Variants in CEACAM6 observed in about 807,000 individuals in gnomAD.
CEACAM6 encodes cell adhesion molecule CEACAM6.
In CEACAM6, 21 loss-of-function variants were observed where a neutral mutation model predicts 32.4. That is an observed-to-expected ratio of 0.65 (90% CI 0.46 to 0.93). The LOEUF (loss-of-function observed/expected upper bound fraction) is 0.93, where lower values mean the gene tolerates loss of function less well. CEACAM6 is among the 40% of genes least tolerant of loss of function. The pLI is 0.00. For synonymous variants in CEACAM6, 184 were observed against 174.4 expected (o/e 1.06, Z -0.43); for missense variants, 406 against 432.2 (o/e 0.94, Z 0.54).
Position 41,761,323 on chromosome 19 carries a change from T to C in CEACAM6, c.499T>C (p.Cys167Arg). 6.2e-7 allele frequency: 1 copy of C among 1,614,210 alleles called. No individual in the cohort carries two copies. Among genetic ancestry groups the C allele is most frequent in the Non-Finnish European group, 8.5e-7 (1 of 1,180,036 alleles). Residue 167 changes from cysteine to arginine, a missense_variant, in exon 3 of 6, where the codon TGT becomes CGT. Transcript: ENST00000199764. ...GGACAAGGATGCTGTGGCCTTCACC[T>C]GTGAACCTGAGGTTCAGAACACAAC... ...VEDKDAVAFT[C>R]EPEVQNTTYL...
At chr19:41,757,192 G>T (rs189981538) in intron 2 of CEACAM6, among the ~76,000 whole-genome samples, 1 of 152,056 alleles carries the variant, frequency 6.6e-6, no homozygotes, top group African/African-American at 2.4e-5. Context: ...CTGATGGGGG[G>T]ACTCAGCAGG....
chr19:41,768,391 T>G (rs1157595754), intron 5 of CEACAM6, among the ~76,000 whole-genome samples: 2 of 152,228 alleles, frequency 1.3e-5, no homozygotes, highest in Non-Finnish European at 2.9e-5. Flanking sequence ...ACACAGCACA[T>G]GTTTCAGAGA....
intron 1 of CEACAM6, 61 bp from the exon 2 acceptor site, chr19:41,756,539 C>T (rs1050453057): frequency 1.9e-6 from 3 of 1,564,924 alleles, no homozygotes; most frequent in Non-Finnish European, 1.7e-6. Context: ...ACCCAGGGCC[C>T]TGTTTTTCCA....
In CEACAM6 at chr19:41,756,758, G is replaced by A. The variant is rs199857146; in HGVS notation, c.223G>A (p.Gly75Ser). Residue 75 changes from glycine (G) to serine (S), a missense_variant, in exon 2 of 6, where the codon GGC becomes AGC. Gly to Ser is a moderately conservative substitution (Grantham distance 56). Coordinates refer to ENST00000199764, the MANE Select transcript of CEACAM6 (RefSeq NM_002483.7). ...CTGGTACAAAGGCGAAAGAGTGGAT[G>A]GCAACAGTCTAATTGTAGGATATGT... ...YSWYKGERVD[G>S]NSLIVGYVIG... The A allele has an allele frequency of 5.4e-4, 867 of 1,614,042 alleles. 18 individuals carry two copies. The South Asian group carries it at 9.0e-3, about 17-fold the overall frequency.
chr19:41,756,502 G>GGC, intron 1 of CEACAM6, 98 bp from the exon 2 acceptor site: 1 of 1,474,202 alleles, frequency 6.8e-7, no homozygotes, highest in Non-Finnish European at 9.1e-7. Context: ...ACGCTCCAAC[G>GGC]TGGAGGGGTG....
At position 41,771,700 on chromosome 19, in the gene CEACAM6, G is replaced by C. The variant is rs537401614; in HGVS notation, c.*939G>C. Reference sequence around the variant, plus strand: ...TCTGCATGCAGCCAGCCATCAAATAGTGAATGGTCTCTCTTTGGCTGGAAT... The same window carrying C: ...TCTGCATGCAGCCAGCCATCAAATACTGAATGGTCTCTCTTTGGCTGGAAT... On this transcript the variant is annotated 3_prime_UTR_variant, in exon 6 of 6. Coordinates refer to ENST00000199764, the MANE Select transcript of CEACAM6 (RefSeq NM_002483.7). 1 of 152,166 alleles carries C rather than the reference G, an allele frequency of 6.6e-6. No individual in the cohort carries two copies. The highest frequency in any genetic ancestry group is 1.5e-5 in the Non-Finnish European group (1 of 68,048). 9.4% of individuals were successfully genotyped at this position (152,166 alleles called of 1,614,324 possible). A position where few individuals can be genotyped will look rare whatever the true frequency, so the allele number is the denominator to read the frequency against.
chr19:41,757,087 G>A, intron 2 of CEACAM6, 128 bp downstream of exon 2: 1 of 1,460,370 alleles, frequency 6.8e-7, no homozygotes, highest in Non-Finnish European at 9.2e-7. Context: ...TGGACATTTA[G>A]TGCAGGACAC....
intron 5 of CEACAM6, among the ~76,000 whole-genome samples, chr19:41,767,005 CAAAA>C (rs34180480): frequency 2.0e-4 from 18 of 88,486 alleles, no homozygotes; most frequent in African/African-American, 8.6e-4. Context: ...GACTCCGTCT[CAAAA>C]AAAAAAAAAA....
chr19:41,756,894 A>G lies in CEACAM6; in HGVS notation c.359A>G (p.Tyr120Cys), dbSNP rs2072891420. 6.2e-7 allele frequency: 1 copy of G among 1,614,120 alleles called. No individual in the cohort carries two copies. Among genetic ancestry groups the G allele is most frequent in the South Asian group, 1.1e-5 (1 of 91,082 alleles). Reference sequence around the variant, plus strand: ...GTCACCCAGAATGACACAGGATTCTATACCCTACAAGTCATAAAGTCAGAT... The same window carrying G: ...GTCACCCAGAATGACACAGGATTCTGTACCCTACAAGTCATAAAGTCAGAT... ...QNVTQNDTGF[Y>C]TLQVIKSDLV... The change falls in exon 2 of 6, where the codon TAT becomes TGT. Residue 120 changes from tyrosine (Y) to cysteine (C), a missense_variant. Physicochemically the swap from Tyr to Cys is radical, Grantham distance 194. Transcript: ENST00000199764.
Position 41,762,074 on chromosome 19 carries a change from C to T in CEACAM6, c.809C>T (p.Ser270Phe). The T allele has an allele frequency of 6.2e-7, 1 of 1,614,210 alleles. No homozygotes were observed. Among genetic ancestry groups the T allele is most frequent in the South Asian group, 1.1e-5 (1 of 91,084 alleles). Reference sequence around the variant, plus strand: ...GCCTCTAACCCACCTGCACAGTACTCTTGGTTTATCAATGGGACGTTCCAG... The same window carrying T: ...GCCTCTAACCCACCTGCACAGTACTTTTGGTTTATCAATGGGACGTTCCAG... ...HAASNPPAQYSWFINGTFQQS... is the reference protein window; with the variant it reads ...HAASNPPAQYFWFINGTFQQS... The change falls in exon 4 of 6, where the codon TCT becomes TTT. Residue 270 changes from serine to phenylalanine, a missense_variant. Transcript: ENST00000199764.
chr19:41,766,193 T>C lies in CEACAM6; in HGVS notation c.969T>C (p.Pro323=), dbSNP rs1278767084. Residue 323 remains proline, a synonymous_variant, in exon 5 of 6, where the codon CCT becomes CCC. Coordinates refer to ENST00000199764, the MANE Select transcript of CEACAM6 (RefSeq NM_002483.7). ...VTMITVSGSA[P]VLSAVATVGI... is the part of the protein sequence containing the mutation. ...TCTTCTTCCCACAAGGAAGTGCTCCTGTCCTCTCAGCTGTGGCCACCGTCG... is the reference window on the plus strand; with the variant it reads ...TCTTCTTCCCACAAGGAAGTGCTCCCGTCCTCTCAGCTGTGGCCACCGTCG... 1.8e-5 allele frequency: 29 copies of C among 1,607,320 alleles called. No homozygotes were observed. Among genetic ancestry groups the C allele is most frequent in the Non-Finnish European group, 2.4e-5 (28 of 1,177,302 alleles).
rs376555378 is a variant in CEACAM6 at position 41,756,814 on chromosome 19, C to G, written c.279C>G (p.Pro93=). Residue 93 remains proline (P), a synonymous_variant, in exon 2 of 6, where the codon CCC becomes CCG. Coordinates refer to ENST00000199764, the MANE Select transcript of CEACAM6 (RefSeq NM_002483.7). ...GAACTCAACAAGCTACCCCAGGGCCCGCATACAGTGGTCGAGAGACAATAT... is the reference window on the plus strand; with the variant it reads ...GAACTCAACAAGCTACCCCAGGGCCGGCATACAGTGGTCGAGAGACAATAT... ...VIGTQQATPG[P]AYSGRETIYP... is the part of the protein sequence containing the mutation. The G allele has an allele frequency of 6.2e-7, 1 of 1,614,132 alleles. No homozygotes were observed. Among genetic ancestry groups the G allele is most frequent in the Non-Finnish European group, 8.5e-7 (1 of 1,180,024 alleles).
rs2072989622 is a variant in CEACAM6, at chr19:41,770,798, A to G, written c.*41-4A>G. ...TGTTTTTTATTTTCATTATCCACCT[A>G]TAGATTGGACCAGACCCTGAATTCT... On this transcript the variant is annotated splice_polypyrimidine_tract_variant and splice_region_variant and intron_variant, in intron 5 of 5. Transcript: ENST00000199764. The G allele has an allele frequency of 6.5e-6, 1 of 152,720 alleles. No homozygotes were observed. Among genetic ancestry groups the G allele is most frequent in the African/African-American group, 2.4e-5 (1 of 41,440 alleles). 9.5% of individuals were successfully genotyped at this position (152,720 alleles called of 1,614,324 possible).
intron 4 of CEACAM6, among the ~76,000 whole-genome samples, 183 bp downstream of exon 4, chr19:41,762,406 G>T (rs929930565): frequency 1.3e-5 from 2 of 151,864 alleles, no homozygotes; most frequent in Admixed American, 1.3e-4. Flanking sequence ...TTTGTTTTTT[G>T]TTGTTTTTTG....
chr19:41,760,424 T>C (rs2072915575), intron 2 of CEACAM6, among the ~76,000 whole-genome samples: 1 of 152,208 alleles, frequency 6.6e-6, no homozygotes, highest in African/African-American at 2.4e-5. Flanking sequence ...CACTCAGCTG[T>C]GCATTTGCAA....
intron 2 of CEACAM6, among the ~76,000 whole-genome samples, chr19:41,760,051 G>C (rs2072913177): frequency 1.3e-5 from 2 of 152,156 alleles, no homozygotes; most frequent in Non-Finnish European, 2.9e-5. Flanking sequence ...TTGGTCCTAA[G>C]CCTTATGCGT....
At chr19:41,757,830 T>G (rs561636534) in intron 2 of CEACAM6, 1 of 152,156 alleles carries the variant, frequency 6.6e-6, no homozygotes, top group Non-Finnish European at 1.5e-5. Flanking sequence ...ACAAACAACC[T>G]CACAGCCAAA....
chr19:41,764,995 A>G (rs1445847307), intron 4 of CEACAM6, among the ~76,000 whole-genome samples: 1 of 152,246 alleles, frequency 6.6e-6, no homozygotes, highest in Non-Finnish European at 1.5e-5. Context: ...CCTGTTTCAT[A>G]GTATCGTTTT....
chr19:41,764,641 C>G (rs781959844), intron 4 of CEACAM6, among the ~76,000 whole-genome samples: 3 of 152,140 alleles, frequency 2.0e-5, no homozygotes, highest in Non-Finnish European at 4.4e-5. Context: ...CTCAGTCAAC[C>G]TAGTAAATGA....
Sources: allele counts gnomAD v4.1 joint callset (sites outside exome capture counted in the v4.1 genomes callset), GRCh38; gene constraint gnomAD v4.1.1; transcripts MANE v1.5; gene names NCBI Gene and HGNC (gene_info 2026-07-23, HGNC 2026-07-21).